Variants in CNBD1 observed in about 807,000 individuals in gnomAD.
CNBD1 encodes cyclic nucleotide-binding domain-containing protein 1.
CNBD1 carries 71 observed loss-of-function variants against 54.4 expected under a neutral mutation model. That is an observed-to-expected ratio of 1.30 (90% CI 1.08 to 1.59). The LOEUF is 1.59. Ranked by LOEUF, CNBD1 falls within the 40% of genes most tolerant of loss-of-function variation. The pLI is 0.00. For missense variants in CNBD1, 659 were observed against 518.0 expected (o/e 1.27, Z -2.64); for synonymous variants, 182 against 170.7 (o/e 1.07, Z -0.51).
chr8:87,060,828 A>C (rs1350727811), intron 4 of CNBD1, among the ~76,000 whole-genome samples: 2 of 152,166 alleles, frequency 1.3e-5, no homozygotes, highest in Non-Finnish European at 2.9e-5. Context: ...TCTGTAAATT[A>C]AAGTGGGTGC....
At chr8:87,241,555 A>G (rs1471514528) in intron 6 of CNBD1, among the ~76,000 whole-genome samples, 1 of 152,146 alleles carries the variant, frequency 6.6e-6, no homozygotes, top group African/African-American at 2.4e-5. Flanking sequence ...TACAGGCGTG[A>G]GCCACTGCAC....
intron 3 of CNBD1, among the ~76,000 whole-genome samples, chr8:86,914,881 T>G (rs933859026): frequency 6.6e-6 from 1 of 152,184 alleles, no homozygotes; most frequent in Non-Finnish European, 1.5e-5. Flanking sequence ...CATGCTTAAC[T>G]CAAAATGGCA....
At chr8:87,245,358 A>C (rs529513786) in intron 6 of CNBD1, among the ~76,000 whole-genome samples, 22 of 152,174 alleles carry the variant, frequency 1.4e-4, no homozygotes, top group African/African-American at 5.3e-4. Flanking sequence ...CTGTTTACCA[A>C]CGCTTTTTTA....
intron 5 of CNBD1, among the ~76,000 whole-genome samples, chr8:87,233,940 C>A (rs1185595490): frequency 6.6e-6 from 1 of 152,158 alleles, no homozygotes; most frequent in Non-Finnish European, 1.5e-5. Flanking sequence ...GCTTTATCAA[C>A]TAAGTTTATG....
intron 5 of CNBD1, among the ~76,000 whole-genome samples, chr8:87,222,194 C>T (rs992326444): frequency 6.6e-6 from 1 of 151,938 alleles, no homozygotes; most frequent in African/African-American, 2.4e-5. Flanking sequence ...TTATCTTATT[C>T]CTCAATAGAC....
intron 4 of CNBD1, among the ~76,000 whole-genome samples, chr8:86,992,923 A>C (rs938503303): frequency 6.6e-6 from 1 of 152,178 alleles, no homozygotes; most frequent in African/African-American, 2.4e-5. Flanking sequence ...GAAAGGCACT[A>C]TATGCCTTGG....
At chr8:87,185,753 T>TATCATA (rs3056374) in intron 4 of CNBD1, among the ~76,000 whole-genome samples, 1 of 152,142 alleles carries the variant, frequency 6.6e-6, no homozygotes, top group African/African-American at 2.4e-5. Flanking sequence ...AAATACTCAT[T>TATCATA]AATAATTCAA....
At chr8:87,162,570 C>T (rs1297614184) in intron 4 of CNBD1, among the ~76,000 whole-genome samples, 1 of 152,024 alleles carries the variant, frequency 6.6e-6, no homozygotes, top group Admixed American at 6.6e-5. Context: ...GAGACAGATG[C>T]TGTCTGAATC....
intron 10 of CNBD1, among the ~76,000 whole-genome samples, chr8:87,370,685 C>A (rs1020624089): frequency 6.6e-6 from 1 of 150,956 alleles, no homozygotes; most frequent in Non-Finnish European, 1.5e-5. Context: ...GTTGCCTGTT[C>A]ACTCTGATGG....
chr8:86,954,026 T>G (rs1807694445), intron 4 of CNBD1, among the ~76,000 whole-genome samples: 2 of 152,206 alleles, frequency 1.3e-5, no homozygotes, highest in South Asian at 4.1e-4. Flanking sequence ...GATTTCAGGT[T>G]ATTATAAGTC....
intron 4 of CNBD1, among the ~76,000 whole-genome samples, chr8:87,014,538 A>C (rs944328353): frequency 6.6e-6 from 1 of 152,092 alleles, no homozygotes; most frequent in African/African-American, 2.4e-5. Flanking sequence ...GTTTATAGAA[A>C]AATATATTAA....
rs1348246598 is a variant in CNBD1, at chr8:87,093,651, C to CA, written c.432-112341dup. 3.9e-5 allele frequency among the ~76,000 whole-genome samples: 6 copies of CA among 152,288 alleles called. No homozygotes were observed. The East Asian group carries it at 1.2e-3, about 29-fold the overall frequency. On this transcript the variant is annotated intron_variant, in intron 4 of 10. Coordinates refer to ENST00000518476, the MANE Select transcript of CNBD1 (RefSeq NM_173538.3). ...GGTTACTATTGCCTAGTCAAGTTGA[C>CA]ATATACAATCAACCATGACAGAGAG... is the stretch of plus-strand genomic sequence containing the variant.
intron 4 of CNBD1, among the ~76,000 whole-genome samples, chr8:87,087,257 A>ATTTTT (rs1369304684): frequency 7.0e-6 from 1 of 142,032 alleles, no homozygotes; most frequent in Non-Finnish European, 1.5e-5. Flanking sequence ...GTATATATAT[A>ATTTTT]TATACATATA....
intron 4 of CNBD1, among the ~76,000 whole-genome samples, chr8:86,987,290 T>C (rs1053321755): frequency 4.1e-4 from 62 of 152,252 alleles, no homozygotes; most frequent in African/African-American, 1.5e-3. Context: ...AGGTTGTGTT[T>C]CTTATTTTGA....
At chr8:87,107,525 T>A (rs555427499) in intron 4 of CNBD1, among the ~76,000 whole-genome samples, 11 of 152,344 alleles carry the variant, frequency 7.2e-5, no homozygotes, top group Admixed American at 6.5e-4. Context: ...TATTTCAACA[T>A]CCTTTGTTTC....
chr8:87,283,904 T>C (rs974638195), intron 6 of CNBD1, among the ~76,000 whole-genome samples: 3 of 152,136 alleles, frequency 2.0e-5, no homozygotes, highest in Non-Finnish European at 4.4e-5. Context: ...TTTGACATTT[T>C]AAATTTCCTC....
intron 4 of CNBD1, among the ~76,000 whole-genome samples, chr8:87,028,485 G>A (rs1158136827): frequency 1.3e-5 from 2 of 152,204 alleles, no homozygotes; most frequent in Non-Finnish European, 2.9e-5. Flanking sequence ...TGCACAGAAG[G>A]CCAATCACTG....
intron 4 of CNBD1, among the ~76,000 whole-genome samples, chr8:86,976,901 G>C (rs1049096773): frequency 7.2e-5 from 11 of 151,918 alleles, no homozygotes; most frequent in African/African-American, 1.2e-4. Context: ...TACTAAGTTT[G>C]CTTATGAGTT....
At chr8:87,279,977 T>G (rs971441076) in intron 6 of CNBD1, among the ~76,000 whole-genome samples, 3 of 151,576 alleles carry the variant, frequency 2.0e-5, no homozygotes, top group African/African-American at 4.8e-5. Context: ...AAAGATATTT[T>G]TTTTCTATAA....
Sources: allele counts gnomAD v4.1 joint callset (sites outside exome capture counted in the v4.1 genomes callset), GRCh38; gene constraint gnomAD v4.1.1; transcripts MANE v1.5; gene names NCBI Gene and HGNC (gene_info 2026-07-23, HGNC 2026-07-21).